Variants in CTNNA3 observed in about 807,000 individuals in gnomAD.
CTNNA3 encodes catenin alpha 3, also known as catenin alpha-3.
In CTNNA3, 76 loss-of-function variants were observed where a neutral mutation model predicts 95.7. The observed-to-expected ratio is 0.79, with a 90% confidence interval of 0.66 to 0.96. CTNNA3 has a LOEUF of 0.96. Among genes scored for constraint, CTNNA3 ranks in the 40% least tolerant of loss-of-function variants. The probability of loss-of-function intolerance (pLI) is 0.00; values close to 1 mark genes in which losing one functional copy is unlikely to be tolerated. For missense variants in CTNNA3, 1,191 were observed against 1,089.8 expected, an observed-to-expected ratio of 1.09 and a Z score of -1.31; for synonymous variants, 431 against 374.4, an observed-to-expected ratio of 1.15 and a Z score of -1.74.
At position 66,545,196 on chromosome 10, in the gene CTNNA3, T is replaced by C. The variant is rs986517448; in HGVS notation, c.1375-24423A>G. Among the ~76,000 whole-genome samples the C allele has an allele frequency of 5.3e-5, 8 of 152,042 alleles. 1 individual carries two copies. Among genetic ancestry groups the C allele is most frequent in the African/African-American group, 1.4e-4 (6 of 41,438 alleles). The stretch of plus-strand genomic sequence containing the variant: ...CAAATAATTATAACCAATACCCAAG[T>C]TGTGGAAAAGAATATTATCATAAAT... On this transcript the variant is annotated intron_variant, in intron 10 of 17. Coordinates refer to ENST00000433211, the MANE Select transcript of CTNNA3 (RefSeq NM_013266.4).
chr10:65,988,813 T>C lies in CTNNA3; in HGVS notation c.2160-16A>G. On this transcript the variant is annotated splice_polypyrimidine_tract_variant and intron_variant, in intron 15 of 17. Coordinates refer to ENST00000433211, the MANE Select transcript of CTNNA3 (RefSeq NM_013266.4). ...TCCTTTGCCCCTGGAAAAAAATTTA[T>C]ATATGTTAGCTGTGGTGTTCATGAG... is the stretch of plus-strand genomic sequence containing the variant. The C allele has an allele frequency of 1.9e-6, 3 of 1,584,876 alleles. No homozygotes were observed. The highest frequency in any genetic ancestry group is 2.6e-6 in the Non-Finnish European group (3 of 1,154,800).
chr10:66,495,588 T>C (rs1369955671), intron 11 of CTNNA3, among the ~76,000 whole-genome samples: 1 of 152,164 alleles, frequency 6.6e-6, no homozygotes, highest in East Asian at 1.9e-4. Flanking sequence ...AATTGGGAAG[T>C]TTAGCTAAGC....
intron 7 of CTNNA3, among the ~76,000 whole-genome samples, chr10:67,120,668 A>G (rs1385705262): frequency 6.6e-6 from 1 of 152,044 alleles, no homozygotes; most frequent in Non-Finnish European, 1.5e-5. Context: ...AAAAGAGAAA[A>G]GCCAACAAAA....
intron 11 of CTNNA3, among the ~76,000 whole-genome samples, chr10:66,482,174 C>T (rs1051597032): frequency 1.3e-5 from 2 of 152,150 alleles, no homozygotes; most frequent in Admixed American, 1.3e-4. Flanking sequence ...CTAACGCAGA[C>T]TGTCCCTTTG....
At chr10:67,458,191 A>G (rs1457546938) in intron 5 of CTNNA3, among the ~76,000 whole-genome samples, 4 of 152,132 alleles carry the variant, frequency 2.6e-5, no homozygotes, top group African/African-American at 7.2e-5. Flanking sequence ...TCTCTTGCAT[A>G]TCTGATACTG....
intron 1 of CTNNA3, among the ~76,000 whole-genome samples, chr10:67,722,642 C>A (rs879285709): frequency 1.3e-5 from 2 of 152,252 alleles, no homozygotes; most frequent in Non-Finnish European, 2.9e-5. Flanking sequence ...GTATCAGAAG[C>A]ACTAACGCCT....
intron 3 of CTNNA3, among the ~76,000 whole-genome samples, chr10:67,578,776 T>C (rs1418176781): frequency 6.6e-6 from 1 of 150,600 alleles, no homozygotes; most frequent in Non-Finnish European, 1.5e-5. Flanking sequence ...GTTTCTCGTA[T>C]ATGGTCTTTC....
intron 5 of CTNNA3, among the ~76,000 whole-genome samples, chr10:67,231,160 G>A (rs972983855): frequency 6.6e-6 from 1 of 152,222 alleles, no homozygotes; most frequent in Non-Finnish European, 1.5e-5. Flanking sequence ...GCTCAAACTG[G>A]GTGGAGCCCA....
intron 2 of CTNNA3, among the ~76,000 whole-genome samples, chr10:67,637,334 A>G (rs1346717836): frequency 1.3e-5 from 2 of 152,226 alleles, no homozygotes; most frequent in Non-Finnish European, 2.9e-5. Context: ...AAAAGAAATG[A>G]ACAAAGCCTC....
chr10:66,606,582 G>T (rs532930985), intron 10 of CTNNA3, among the ~76,000 whole-genome samples: 1 of 151,866 alleles, frequency 6.6e-6, no homozygotes, highest in South Asian at 2.1e-4. Flanking sequence ...AAACTACATC[G>T]CAATCAAATT....
intron 5 of CTNNA3, among the ~76,000 whole-genome samples, chr10:67,488,995 C>T (rs1848555483): frequency 6.6e-6 from 1 of 152,200 alleles, no homozygotes; most frequent in Admixed American, 6.5e-5. Flanking sequence ...CTCAGCCTCC[C>T]AAAGTACTGG....
intron 3 of CTNNA3, among the ~76,000 whole-genome samples, chr10:67,595,949 C>T (rs1842921708): frequency 6.6e-6 from 1 of 152,060 alleles, no homozygotes; most frequent in Non-Finnish European, 1.5e-5. Flanking sequence ...AAATATCAAC[C>T]TCAGCTCTTT....
chr10:66,450,759 T>G (rs987471295), intron 11 of CTNNA3, among the ~76,000 whole-genome samples: 1 of 152,128 alleles, frequency 6.6e-6, no homozygotes, highest in Non-Finnish European at 1.5e-5. Flanking sequence ...GCTAGAGATG[T>G]TACTTTGCTC....
chr10:66,153,264 T>C (rs2084300480), intron 13 of CTNNA3, among the ~76,000 whole-genome samples: 1 of 151,992 alleles, frequency 6.6e-6, no homozygotes, highest in African/African-American at 2.4e-5. Context: ...ATTTATAGTC[T>C]TTATCTGAAA....
At chr10:66,493,423 C>G (rs1839988915) in intron 11 of CTNNA3, among the ~76,000 whole-genome samples, 1 of 151,984 alleles carries the variant, frequency 6.6e-6, no homozygotes, top group Non-Finnish European at 1.5e-5. Context: ...TCCTCTTGAA[C>G]CTACATCCAT....
intron 5 of CTNNA3, among the ~76,000 whole-genome samples, chr10:67,254,620 G>C (rs1200963156): frequency 6.6e-6 from 1 of 152,164 alleles, no homozygotes; most frequent in African/African-American, 2.4e-5. Context: ...TAACATTTTA[G>C]TCAACGACAA....
intron 5 of CTNNA3, among the ~76,000 whole-genome samples, chr10:67,357,837 A>T (rs1212663277): frequency 1.3e-5 from 2 of 152,214 alleles, no homozygotes; most frequent in East Asian, 3.9e-4. Flanking sequence ...AACAATGCTA[A>T]AAAATTAATT....
chr10:66,596,919 T>C (rs938145440), intron 10 of CTNNA3, among the ~76,000 whole-genome samples: 2 of 151,700 alleles, frequency 1.3e-5, no homozygotes, highest in Non-Finnish European at 2.9e-5. Flanking sequence ...AGAACACAGA[T>C]AGATACCTAA....
chr10:66,642,283 C>CACAA (rs1845546197), intron 9 of CTNNA3, among the ~76,000 whole-genome samples: 1 of 116,894 alleles, frequency 8.6e-6, no homozygotes, highest in African/African-American at 2.6e-5. Flanking sequence ...CACACAAACA[C>CACAA]ACACACACAC....
Sources: gnomAD v4.1 joint callset for allele counts (sites outside exome capture counted in the v4.1 genomes callset) on GRCh38, gnomAD v4.1.1 for gene constraint, MANE v1.5 for transcripts, NCBI Gene and HGNC (gene_info 2026-07-23, HGNC 2026-07-21) for gene names.